Variants in LRRC4C observed in about 807,000 individuals in gnomAD.
LRRC4C encodes the protein leucine-rich repeat-containing protein 4C.
A neutral mutation model predicts 33.6 loss-of-function variants in LRRC4C; 5 were observed. That is an observed-to-expected ratio of 0.15 (90% confidence interval 0.08 to 0.31). LRRC4C has a LOEUF of 0.31. LRRC4C is among the 10% of genes least tolerant of loss of function. The pLI, the probability that LRRC4C is intolerant of heterozygous loss-of-function variation, is 1.00. For missense variants in LRRC4C, 560 were observed against 796.7 expected (o/e 0.70, Z 3.58); for synonymous variants, 329 against 302.0 (o/e 1.09, Z -0.93).
chr11:40,862,754 A>G (rs976998689), intron 2 of LRRC4C, among the ~76,000 whole-genome samples: 1 of 152,168 alleles, frequency 6.6e-6, no homozygotes, highest in Non-Finnish European at 1.5e-5. Flanking sequence ...CCACAATTTT[A>G]ACTCTCCTGT....
rs967441968 is a variant in LRRC4C at position 40,941,869 on chromosome 11, A to G, written c.-495-8146T>C. Among the ~76,000 whole-genome samples, 7 of 152,296 alleles carry G rather than the reference A, an allele frequency of 4.6e-5. No homozygotes were observed. The South Asian group carries it at 8.3e-4, about 18-fold the overall frequency. ...AGGGGATAAGAAAATAATGAAGGCA[A>G]TTATTTTGTGATAGTATGTATACAG... On this transcript the variant is annotated intron_variant, in intron 1 of 6. Transcript: ENST00000528697.
intron 2 of LRRC4C, among the ~76,000 whole-genome samples, chr11:40,767,581 C>A (rs755920752): frequency 6.6e-6 from 1 of 151,984 alleles, no homozygotes; most frequent in African/African-American, 2.4e-5. Flanking sequence ...AGCCATAAAA[C>A]AAGTCTTAGG....
rs576168941 is a variant in LRRC4C, at chr11:40,668,277, C to T, written c.-406-19999G>A. 1.6e-4 allele frequency among the ~76,000 whole-genome samples: 25 copies of T among 152,110 alleles called. No individual in the cohort carries two copies. The South Asian group carries it at 4.4e-3, about 27-fold the overall frequency. On this transcript the variant is annotated intron_variant, in intron 2 of 6. Transcript: ENST00000528697. ...CACACATAATATTTGCTGTAGTTTCCGAGACTAATTTTTAAAACATGGAAA... is the reference window on the plus strand; with the variant it reads ...CACACATAATATTTGCTGTAGTTTCTGAGACTAATTTTTAAAACATGGAAA...
chr11:40,402,496 T>C (rs1290926609), intron 3 of LRRC4C, among the ~76,000 whole-genome samples: 1 of 152,112 alleles, frequency 6.6e-6, no homozygotes, highest in Non-Finnish European at 1.5e-5. Context: ...CCTGACCCAG[T>C]TCAATTCTCC....
rs193118992 is a variant in LRRC4C, at chr11:40,817,134, C to G, written c.-407+116501G>C. ...AGCTAGAACAGCCAACCTGGTTATTCCTTTGCCTCACTCAGAAAACTTTCC... is the reference window on the plus strand; with the variant it reads ...AGCTAGAACAGCCAACCTGGTTATTGCTTTGCCTCACTCAGAAAACTTTCC... On this transcript the variant is annotated intron_variant, in intron 2 of 6. Coordinates refer to ENST00000528697, the MANE Select transcript of LRRC4C (RefSeq NM_001258419.2). Among the ~76,000 whole-genome samples the G allele has an allele frequency of 2.6e-5, 4 of 152,248 alleles. No individual in the cohort carries two copies. The East Asian group carries it at 7.7e-4, about 29-fold the overall frequency.
At position 40,684,849 on chromosome 11, in the gene LRRC4C, T is replaced by G. The variant is rs549765458; in HGVS notation, c.-406-36571A>C. Among the ~76,000 whole-genome samples, 5 of 152,106 alleles carry G rather than the reference T, an allele frequency of 3.3e-5. No homozygotes were observed. The South Asian group carries it at 1.0e-3, about 32-fold the overall frequency. ...GAGCTAAAATAAGCTCAAACTAGCA[T>G]TCTATATTATTTCTCATAAAAAAGA... On this transcript the variant is annotated intron_variant, in intron 2 of 6. Coordinates refer to ENST00000528697, the MANE Select transcript of LRRC4C (RefSeq NM_001258419.2).
intron 1 of LRRC4C, among the ~76,000 whole-genome samples, chr11:41,189,209 T>C (rs1320222479): frequency 1.3e-5 from 2 of 151,986 alleles, no homozygotes; most frequent in Admixed American, 6.6e-5. Context: ...ATAAAAACAA[T>C]GAACAAAAGT....
At chr11:41,280,238 C>T (rs894972626) in intron 1 of LRRC4C, among the ~76,000 whole-genome samples, 4 of 152,210 alleles carry the variant, frequency 2.6e-5, no homozygotes, top group Admixed American at 1.3e-4. Context: ...ATTCTCACCA[C>T]GAAAGTCAGG....
intron 5 of LRRC4C, among the ~76,000 whole-genome samples, chr11:40,224,422 T>C (rs899537764): frequency 9.2e-5 from 14 of 152,232 alleles, no homozygotes; most frequent in African/African-American, 3.4e-4. Context: ...TGTTCTCCGA[T>C]TTACACCTTT....
At chr11:40,460,927 A>G (rs1035301476) in intron 3 of LRRC4C, among the ~76,000 whole-genome samples, 4 of 152,180 alleles carry the variant, frequency 2.6e-5, no homozygotes, top group African/African-American at 9.6e-5. Flanking sequence ...TATGAAAAGG[A>G]TGGTAAAATA....
At chr11:41,048,656 C>T (rs1857978730) in intron 1 of LRRC4C, among the ~76,000 whole-genome samples, 1 of 152,034 alleles carries the variant, frequency 6.6e-6, no homozygotes, top group Non-Finnish European at 1.5e-5. Flanking sequence ...TATCTGGAAA[C>T]ATTTTGTATT....
chr11:40,190,994 G>C (rs576433860), intron 5 of LRRC4C, among the ~76,000 whole-genome samples: 2 of 152,278 alleles, frequency 1.3e-5, no homozygotes, highest in South Asian at 4.1e-4. Flanking sequence ...TTAGTTTTTT[G>C]ATCTAGTCAG....
chr11:41,158,483 C>T (rs762172052), intron 1 of LRRC4C, among the ~76,000 whole-genome samples: 3 of 152,066 alleles, frequency 2.0e-5, no homozygotes, highest in Admixed American at 6.6e-5. Flanking sequence ...AAGGAATTCA[C>T]GGGTTACATA....
At chr11:40,391,701 C>T (rs1026671625) in intron 3 of LRRC4C, among the ~76,000 whole-genome samples, 5 of 152,136 alleles carry the variant, frequency 3.3e-5, no homozygotes, top group African/African-American at 1.2e-4. Flanking sequence ...TTTTACCGGT[C>T]AAATGTTGAT....
At chr11:40,653,614 A>AACTT (rs1195444328) in intron 2 of LRRC4C, among the ~76,000 whole-genome samples, 1 of 152,198 alleles carries the variant, frequency 6.6e-6, no homozygotes, top group Non-Finnish European at 1.5e-5. Flanking sequence ...TTGGAATTGA[A>AACTT]ACTTATGTTT....
chr11:40,367,478 C>T (rs1346184446), intron 3 of LRRC4C, among the ~76,000 whole-genome samples: 1 of 152,144 alleles, frequency 6.6e-6, no homozygotes, highest in African/African-American at 2.4e-5. Context: ...ACTGTCATCA[C>T]TTTTTTCTGT....
chr11:40,614,770 A>G (rs752119421), intron 3 of LRRC4C, among the ~76,000 whole-genome samples: 58 of 151,646 alleles, frequency 3.8e-4, no homozygotes, highest in Non-Finnish European at 7.8e-4. Context: ...ATATGGTTGT[A>G]GTTCAGGGAA....
intron 1 of LRRC4C, among the ~76,000 whole-genome samples, chr11:41,274,625 G>T (rs1949422764): frequency 6.6e-6 from 1 of 152,088 alleles, no homozygotes; most frequent in Non-Finnish European, 1.5e-5. Flanking sequence ...GGACCAATCA[G>T]CAGGACATGG....
intron 2 of LRRC4C, among the ~76,000 whole-genome samples, chr11:40,924,174 T>C: frequency 6.6e-6 from 1 of 151,252 alleles, no homozygotes; most frequent in East Asian, 1.9e-4. Flanking sequence ...CCCTTAAAAA[T>C]GGAAGCTTGT....
Sources: gnomAD v4.1 joint callset for allele counts (sites outside exome capture counted in the v4.1 genomes callset) on GRCh38, gnomAD v4.1.1 for gene constraint, MANE v1.5 for transcripts, NCBI Gene and HGNC (gene_info 2026-07-23, HGNC 2026-07-21) for gene names.